Variants in PRKG1 observed in about 807,000 individuals in gnomAD.
The protein encoded by PRKG1 is cGMP-dependent protein kinase 1.
A neutral mutation model predicts 88.1 loss-of-function variants in PRKG1; 35 were observed. The ratio of observed to expected loss-of-function variants is 0.40; its 90% CI spans 0.30 to 0.53. PRKG1 has a LOEUF of 0.53. PRKG1 is among the 20% of genes least tolerant of loss of function. The pLI is 0.59. For missense variants in PRKG1, 540 were observed against 839.8 expected (o/e 0.64, Z 4.41); for synonymous variants, 303 against 292.5 (o/e 1.04, Z -0.37).
At chr10:51,882,067 T>C (rs1247062231) in intron 4 of PRKG1, among the ~76,000 whole-genome samples, 1 of 152,210 alleles carries the variant, frequency 6.6e-6, no homozygotes, top group Non-Finnish European at 1.5e-5. Flanking sequence ...AGCTATCATA[T>C]GTAAGTTTAA....
chr10:51,163,403 G>A (rs1434646414), intron 2 of PRKG1, among the ~76,000 whole-genome samples: 1 of 152,174 alleles, frequency 6.6e-6, no homozygotes, highest in Non-Finnish European at 1.5e-5. Flanking sequence ...AAATATGGGA[G>A]GGCAGCCAAG....
At position 52,257,096 on chromosome 10, in the gene PRKG1, A is replaced by G. The variant is rs1841326475; in HGVS notation, c.1173+5430A>G. 1.4e-5 allele frequency among the ~76,000 whole-genome samples: 2 copies of G among 139,552 alleles called. 1 individual carries two copies. The highest frequency in any genetic ancestry group is 4.6e-4 in the South Asian group (2 of 4,380). 91.6% of individuals were successfully genotyped at this position (139,552 alleles called of 152,430 possible). A position where few individuals can be genotyped will look rare whatever the true frequency, so the allele number is the denominator to read the frequency against. On this transcript the variant is annotated intron_variant, in intron 10 of 17. Coordinates refer to ENST00000373980, the MANE Select transcript of PRKG1 (RefSeq NM_006258.4). ...AGACCTGGCTCTTGGCAAGTTGAAT[A>G]CAAAAGTTACCTCTCATTCCTTCTC...
rs573649646 is a variant in PRKG1 at position 51,473,387 on chromosome 10, G to A, written c.592+5551G>A. 1.1e-4 allele frequency among the ~76,000 whole-genome samples: 17 copies of A among 151,852 alleles called. No homozygotes were observed. The East Asian group carries it at 2.5e-3, about 22-fold the overall frequency. On this transcript the variant is annotated intron_variant, in intron 3 of 17. Transcript: ENST00000373980. Reference sequence around the variant, plus strand: ...TATTGAACTATATTTTTTTCTACAGGTTGAGAAGATTTTTTTCCTTAGGCT... The same window carrying A: ...TATTGAACTATATTTTTTTCTACAGATTGAGAAGATTTTTTTCCTTAGGCT...
At chr10:52,141,615 T>C (rs952099382) in intron 8 of PRKG1, among the ~76,000 whole-genome samples, 17 of 152,270 alleles carry the variant, frequency 1.1e-4, no homozygotes, top group African/African-American at 3.6e-4. Flanking sequence ...AGCAATAATC[T>C]GTTAAGCCAC....
chr10:51,996,629 G>A (rs988665419), intron 5 of PRKG1, among the ~76,000 whole-genome samples: 11 of 152,046 alleles, frequency 7.2e-5, no homozygotes, highest in Non-Finnish European at 1.3e-4. Context: ...AAAAGATGAT[G>A]ATAATAAGTA....
intron 2 of PRKG1, among the ~76,000 whole-genome samples, chr10:51,296,179 G>A (rs1371031876): frequency 6.6e-6 from 1 of 151,970 alleles, no homozygotes; most frequent in Non-Finnish European, 1.5e-5. Context: ...GGATGGTCCT[G>A]GCCTCATAAG....
At chr10:51,878,369 G>A (rs1018634274) in intron 4 of PRKG1, among the ~76,000 whole-genome samples, 2 of 152,006 alleles carry the variant, frequency 1.3e-5, no homozygotes, top group African/African-American at 4.8e-5. Context: ...GCTTTGATGT[G>A]TCAGTAAGAA....
chr10:51,319,738 G>T (rs1841406910), intron 2 of PRKG1: 1 of 152,174 alleles, frequency 6.6e-6, no homozygotes, highest in African/African-American at 2.4e-5. Context: ...AAAAAGAAAG[G>T]TTGCTCTTCT....
At chr10:51,150,941 A>G (rs1377597495) in intron 1 of PRKG1, among the ~76,000 whole-genome samples, 1 of 151,964 alleles carries the variant, frequency 6.6e-6, no homozygotes, top group African/African-American at 2.4e-5. Flanking sequence ...CGCTAATTAT[A>G]ATTATGTTCT....
chr10:52,259,927 C>T (rs918666333), intron 10 of PRKG1, among the ~76,000 whole-genome samples: 1 of 152,050 alleles, frequency 6.6e-6, no homozygotes, highest in Non-Finnish European at 1.5e-5. Flanking sequence ...ATCTGAAACA[C>T]AAGATAAATG....
intron 3 of PRKG1, among the ~76,000 whole-genome samples, chr10:51,474,539 C>T (rs1840140347): frequency 6.6e-6 from 1 of 151,934 alleles, no homozygotes; most frequent in African/African-American, 2.4e-5. Context: ...GCAGGATCTA[C>T]TTTTTGTAAT....
intron 2 of PRKG1, among the ~76,000 whole-genome samples, chr10:51,165,636 G>A (rs1403431713): frequency 6.6e-6 from 1 of 151,996 alleles, no homozygotes; most frequent in Non-Finnish European, 1.5e-5. Flanking sequence ...TCAGTGTGCT[G>A]TATTCAGGAA....
chr10:51,544,681 A>G (rs1163717133), intron 3 of PRKG1, among the ~76,000 whole-genome samples: 3 of 152,102 alleles, frequency 2.0e-5, no homozygotes, highest in Non-Finnish European at 4.4e-5. Flanking sequence ...AACAGTGTAA[A>G]AGTGTTCCTA....
At chr10:52,206,085 C>T (rs1212701435) in intron 9 of PRKG1, among the ~76,000 whole-genome samples, 3 of 145,788 alleles carry the variant, frequency 2.1e-5, no homozygotes, top group Non-Finnish European at 4.5e-5. Flanking sequence ...TTACATTATC[C>T]CATATTTGTT....
intron 2 of PRKG1, among the ~76,000 whole-genome samples, chr10:51,313,814 A>G (rs1588827303): frequency 6.6e-6 from 1 of 152,216 alleles, no homozygotes; most frequent in East Asian, 1.9e-4. Flanking sequence ...TATAATACCA[A>G]ATAAAAGGCC....
intron 1 of PRKG1, among the ~76,000 whole-genome samples, chr10:51,102,343 T>C (rs901337189): frequency 1.1e-4 from 16 of 152,226 alleles, no homozygotes; most frequent in African/African-American, 3.6e-4. Context: ...GGAGGACAAA[T>C]TGACTCCTAT....
intron 1 of PRKG1, among the ~76,000 whole-genome samples, chr10:51,045,077 G>A (rs1271370887): frequency 6.6e-6 from 1 of 152,064 alleles, no homozygotes; most frequent in Non-Finnish European, 1.5e-5. Context: ...GAAGAAAATT[G>A]TCTCTTAAAA....
At position 51,898,364 on chromosome 10, in the gene PRKG1, A is replaced by G. The variant is rs149815257; in HGVS notation, c.699-9143A>G. ...TATATTTAAAATATGTATAATATAC[A>G]TTACTTATTATATTTATTCTTTATT... On this transcript the variant is annotated intron_variant, in intron 4 of 17. Coordinates refer to ENST00000373980, the MANE Select transcript of PRKG1 (RefSeq NM_006258.4). 7.9e-3 allele frequency among the ~76,000 whole-genome samples: 1,208 copies of G among 152,150 alleles called. 17 individuals are homozygous for G. Among genetic ancestry groups the G allele is most frequent in the African/African-American group, 0.025 (1,048 of 41,540 alleles).
chr10:51,488,570 T>A (rs545860127), intron 3 of PRKG1, among the ~76,000 whole-genome samples: 1 of 152,280 alleles, frequency 6.6e-6, no homozygotes, highest in South Asian at 2.1e-4. Context: ...CTAGATGATG[T>A]TTGTGCAGAC....
Sources: gnomAD v4.1 joint callset for allele counts (sites outside exome capture counted in the v4.1 genomes callset) on GRCh38, gnomAD v4.1.1 for gene constraint, MANE v1.5 for transcripts, NCBI Gene and HGNC (gene_info 2026-07-23, HGNC 2026-07-21) for gene names.